The following KANSL1 variants were observed in gnomAD, a reference collection of about 807,000 sequenced individuals.
KANSL1 encodes the protein KAT8 regulatory NSL complex subunit 1.
KANSL1 carries 22 observed loss-of-function variants against 103.6 expected under a neutral mutation model. That is an observed-to-expected ratio of 0.21 (90% confidence interval 0.15 to 0.30). The LOEUF (loss-of-function observed/expected upper bound fraction) is 0.30. Among genes scored for constraint, KANSL1 ranks in the 10% least tolerant of loss-of-function variants. KANSL1 has a pLI of 1.00. For synonymous variants in KANSL1, 600 were observed against 527.6 expected (o/e 1.14, Z -1.88); for missense variants, 1,337 against 1,399.8 (o/e 0.96, Z 0.72).
intron 1 of KANSL1, among the ~76,000 whole-genome samples, chr17:46,206,083 C>CCAA (rs1491578296): frequency 1.1e-5 from 1 of 89,602 alleles, no homozygotes; most frequent in Non-Finnish European, 2.0e-5. Flanking sequence ...CTGTGTCCCC[C>CCAA]AAAAAAAAAA....
At chr17:46,096,311 C>CTTTTTTTTTTTTTGTTTTTTTTT (rs2042070907) in intron 2 of KANSL1, among the ~76,000 whole-genome samples, 1 of 76,408 alleles carries the variant, frequency 1.3e-5, no homozygotes, top group Non-Finnish European at 2.5e-5. Flanking sequence ...GCTTTTTTTT[C>CTTTTTTTTTTTTTGTTTTTTTTT]TTTTTTTTTT....
At chr17:46,090,022 G>C (rs1213094273) in intron 3 of KANSL1, among the ~76,000 whole-genome samples, 1 of 152,154 alleles carries the variant, frequency 6.6e-6, no homozygotes, top group Non-Finnish European at 1.5e-5. Context: ...TTAGAAAAAG[G>C]GTCTTTGCAG....
At chr17:46,161,919 G>A (rs1216663628) in intron 2 of KANSL1, among the ~76,000 whole-genome samples, 1 of 152,230 alleles carries the variant, frequency 6.6e-6, no homozygotes, top group Non-Finnish European at 1.5e-5. Context: ...TCTGCTTGCA[G>A]AGCAGACCCT....
chr17:46,106,619 C>T (rs932830046), intron 2 of KANSL1, among the ~76,000 whole-genome samples: 3 of 152,146 alleles, frequency 2.0e-5, no homozygotes, highest in African/African-American at 4.8e-5. Flanking sequence ...TCTCAAACTC[C>T]TGACCTCAGG....
chr17:46,036,489 C>A (rs2077153510), intron 10 of KANSL1, among the ~76,000 whole-genome samples: 2 of 152,180 alleles, frequency 1.3e-5, no homozygotes, highest in Admixed American at 6.5e-5. Flanking sequence ...CTAAACAATA[C>A]AGCATACTAT....
At chr17:46,138,879 T>C (rs1293602447) in intron 2 of KANSL1, among the ~76,000 whole-genome samples, 1 of 152,218 alleles carries the variant, frequency 6.6e-6, no homozygotes, top group Non-Finnish European at 1.5e-5. Flanking sequence ...GTAACATACA[T>C]ACAGGACACA....
intron 7 of KANSL1, chr17:46,045,440 A>AAAAAAAAAAAATATATATATAT (rs950085495): frequency 6.9e-6 from 1 of 144,860 alleles, no homozygotes; most frequent in Non-Finnish European, 1.6e-5. Flanking sequence ...TACATGTAAA[A>AAAAAAAAAAAATATATATATAT]ATATATATAT....
rs377022646 is a variant in KANSL1 at position 46,034,112 on chromosome 17, G to A, written c.2666+49C>T. 4.4e-5 allele frequency: 70 copies of A among 1,604,524 alleles called. No individual in the cohort carries two copies. The African/African-American group carries it at 8.8e-4, about 20-fold the overall frequency. On this transcript the variant is annotated intron_variant, in intron 11 of 14. Transcript: ENST00000432791. ...GGTCAGAAGAGAAGAGGGAAAAAGG[G>A]CAATAGCAGGAAGAATGGGGAGAGG...
intron 5 of KANSL1, 112 bp from the exon 6 acceptor site, chr17:46,066,844 C>T (rs2078396262): frequency 2.7e-6 from 2 of 737,438 alleles, no homozygotes; most frequent in Admixed American, 2.8e-5. Context: ...CCTCTATTTG[C>T]TAATGTTCAG....
At chr17:46,173,812 CT>C (rs1279276766) in intron 1 of KANSL1, among the ~76,000 whole-genome samples, 2 of 152,126 alleles carry the variant, frequency 1.3e-5, no homozygotes, top group Non-Finnish European at 2.9e-5. Context: ...TATGAATTAT[CT>C]TGAGCCTTTA....
intron 6 of KANSL1, among the ~76,000 whole-genome samples, chr17:46,052,794 TAAAA>T (rs35162336): frequency 7.9e-4 from 94 of 118,290 alleles, no homozygotes; most frequent in Non-Finnish European, 9.5e-4. Context: ...AATTTAAAAT[TAAAA>T]AAAAAAAAAA....
chr17:46,094,494 G>T, intron 3 of KANSL1, 66 bp downstream of exon 3: 1 of 1,541,562 alleles, frequency 6.5e-7, no homozygotes, highest in Non-Finnish European at 8.9e-7. Flanking sequence ...GGTGGGAGGG[G>T]ATGTGAGAAA....
intron 2 of KANSL1, among the ~76,000 whole-genome samples, chr17:46,110,435 A>G (rs1350302479): frequency 2.0e-5 from 3 of 152,212 alleles, no homozygotes; most frequent in African/African-American, 7.2e-5. Flanking sequence ...TCACTGCCCC[A>G]TTTTTATAAT....
rs771181281 is a variant in KANSL1 at position 46,038,692 on chromosome 17, G to C, written c.2393-6C>G. Reference sequence around the variant, plus strand: ...GTCTGTGTGATGCTTCAACACTGCAGAAGTCAACAGAAAAGAGAGAAATAC... The same window carrying C: ...GTCTGTGTGATGCTTCAACACTGCACAAGTCAACAGAAAAGAGAGAAATAC... On this transcript the variant is annotated splice_region_variant and splice_polypyrimidine_tract_variant and intron_variant, in intron 9 of 14. Transcript: ENST00000432791. 8 of 1,613,928 alleles carry C rather than the reference G, an allele frequency of 5.0e-6. No homozygotes were observed. Among genetic ancestry groups the C allele is most frequent in the Non-Finnish European group, 6.8e-6 (8 of 1,180,026 alleles).
At chr17:46,120,243 T>C (rs962878622) in intron 2 of KANSL1, among the ~76,000 whole-genome samples, 2 of 152,204 alleles carry the variant, frequency 1.3e-5, no homozygotes, top group African/African-American at 4.8e-5. Flanking sequence ...TATATCAACA[T>C]AGACAAAATC....
chr17:46,049,240 CTTTTTTT>C (rs34418861), intron 7 of KANSL1, among the ~76,000 whole-genome samples: 4 of 75,768 alleles, frequency 5.3e-5, no homozygotes, highest in East Asian at 4.0e-4. Context: ...CATCCAAGAC[CTTTTTTT>C]TTTTTTTTTT....
chr17:46,032,179 A>C lies in KANSL1; in HGVS notation c.2958T>G (p.Gly986=), dbSNP rs767403167. 24 of 1,612,294 alleles carry C rather than the reference A, an allele frequency of 1.5e-5. No homozygotes were observed. Among genetic ancestry groups the C allele is most frequent in the Non-Finnish European group, 2.0e-5 (23 of 1,178,902 alleles). Residue 986 remains glycine (G), a synonymous_variant, in exon 14 of 15, where the codon GGT becomes GGG. Coordinates refer to ENST00000432791, the MANE Select transcript of KANSL1 (RefSeq NM_015443.4). ...GGCTAATGGGGCTCCTAGGGGACTG[A>C]CCATGGGAGTATTCTGACAAAGAGT... is the stretch of plus-strand genomic sequence containing the variant. ...SSHSLSEYSH[G]QSPRSPISPE...
At chr17:46,190,501 T>G (rs905301216) in intron 1 of KANSL1, among the ~76,000 whole-genome samples, 1 of 152,238 alleles carries the variant, frequency 6.6e-6, no homozygotes, top group Non-Finnish European at 1.5e-5. Flanking sequence ...TTCAGTGGAC[T>G]CATATAGATG....
chr17:46,150,065 CAAAAAAA>C (rs61494872), intron 2 of KANSL1, among the ~76,000 whole-genome samples: 9 of 107,720 alleles, frequency 8.4e-5, no homozygotes, highest in African/African-American at 2.7e-4. Flanking sequence ...CTTTCCTTAC[CAAAAAAA>C]AAAAAAAAAT....
Sources: gnomAD v4.1 joint callset for allele counts (sites outside exome capture counted in the v4.1 genomes callset) on GRCh38, gnomAD v4.1.1 for gene constraint, MANE v1.5 for transcripts, NCBI Gene and HGNC (gene_info 2026-07-23, HGNC 2026-07-21) for gene names.